Variants in SLC24A2 observed in about 807,000 individuals in gnomAD.
The protein encoded by SLC24A2 is solute carrier family 24 member 2.
SLC24A2 carries 36 observed loss-of-function variants against 62.0 expected under a neutral mutation model. The ratio of observed to expected loss-of-function variants is 0.58; its 90% CI spans 0.44 to 0.77. The LOEUF (loss-of-function observed/expected upper bound fraction) is 0.77, where lower values mean the gene tolerates loss of function less well. SLC24A2 is among the 30% of genes least tolerant of loss of function. SLC24A2 has a pLI of 0.00. For synonymous variants in SLC24A2, 358 were observed against 294.0 expected (o/e 1.22, Z -2.23); for missense variants, 846 against 817.9 (o/e 1.03, Z -0.42).
At chr9:19,622,830 G>C (rs1817942184) in intron 2 of SLC24A2, among the ~76,000 whole-genome samples, 1 of 151,968 alleles carries the variant, frequency 6.6e-6, no homozygotes, top group Admixed American at 6.6e-5. Context: ...ATATGTTTTG[G>C]GGGGAGTCAG....
the SLC24A2 span, among the ~76,000 whole-genome samples, chr9:19,845,863 G>C: frequency 5.3e-5 from 8 of 152,142 alleles, no homozygotes; most frequent in African/African-American, 1.9e-4. Flanking sequence ...TCATTCAGGA[G>C]CAAGTTGTTT....
At chr9:19,534,238 A>G (rs895922475) in intron 8 of SLC24A2, among the ~76,000 whole-genome samples, 1 of 152,216 alleles carries the variant, frequency 6.6e-6, no homozygotes, top group Non-Finnish European at 1.5e-5. Flanking sequence ...GTTCAAATCC[A>G]GCTTCTCTCA....
the SLC24A2 span, among the ~76,000 whole-genome samples, chr9:20,148,126 G>A: frequency 6.6e-6 from 1 of 151,948 alleles, no homozygotes; most frequent in African/African-American, 2.4e-5. Flanking sequence ...TGACTGTCCG[G>A]ATAAGTATAC....
chr9:19,698,948 C>CT (rs1334377006), intron 2 of SLC24A2, among the ~76,000 whole-genome samples: 1 of 152,128 alleles, frequency 6.6e-6, no homozygotes, highest in Admixed American at 6.6e-5. Flanking sequence ...AGTCACAGAG[C>CT]AAGTTAGAAG....
At position 19,513,710 on chromosome 9, in the gene SLC24A2, G is replaced by C. The variant is rs886745260; in HGVS notation, c.*2443C>G. On this transcript the variant is annotated 3_prime_UTR_variant, in exon 11 of 11. Transcript: ENST00000341998. The stretch of plus-strand genomic sequence containing the variant: ...CTTCAACTTCTGTTTTACATGGTCT[G>C]TTTGCAGTTGAGTCAGTCACCTATT... 6.6e-6 allele frequency: 1 copy of C among 152,150 alleles called. No homozygotes were observed. The highest frequency in any genetic ancestry group is 2.1e-4 in the South Asian group (1 of 4,830). The allele number at this position is 152,150 out of a possible 1,614,324, so 9.4% of individuals were successfully genotyped here. A position where few individuals can be genotyped will look rare whatever the true frequency, so the allele number is the denominator to read the frequency against.
intron 10 of SLC24A2, among the ~76,000 whole-genome samples, chr9:19,519,349 T>TTGTGTGTGTGTGTGTGTGTGTGTGTG (rs10640008): frequency 6.8e-6 from 1 of 147,582 alleles, no homozygotes; most frequent in African/African-American, 2.5e-5. Context: ...TTAAACTTCC[T>TTGTGTGTGTGTGTGTGTGTGTGTGTG]TGTGTGTGTG....
chr9:20,000,193 A>AATGAACATTATTATTTC, the SLC24A2 span, among the ~76,000 whole-genome samples: 1 of 152,208 alleles, frequency 6.6e-6, no homozygotes, highest in East Asian at 1.9e-4. Context: ...GTTGGCACTT[A>AATGAACATTATTATTTC]ATGAACATTA....
At chr9:19,618,550 T>C (rs1281485293) in intron 4 of SLC24A2, among the ~76,000 whole-genome samples, 1 of 152,206 alleles carries the variant, frequency 6.6e-6, no homozygotes, top group African/African-American at 2.4e-5. Flanking sequence ...GCATGTCCAA[T>C]GAAGGAAGAT....
At chr9:19,740,483 A>G (rs995042679) in intron 2 of SLC24A2, among the ~76,000 whole-genome samples, 2 of 152,230 alleles carry the variant, frequency 1.3e-5, no homozygotes, top group African/African-American at 4.8e-5. Flanking sequence ...CAAAATGCAC[A>G]TATTCTATGA....
chr9:19,534,220 G>C (rs528620257), intron 8 of SLC24A2, among the ~76,000 whole-genome samples: 2 of 152,272 alleles, frequency 1.3e-5, no homozygotes, highest in East Asian at 3.9e-4. Flanking sequence ...TGGAGTCAGG[G>C]GACTTGGGTT....
At chr9:20,093,987 A>G in the SLC24A2 span, among the ~76,000 whole-genome samples, 1 of 152,086 alleles carries the variant, frequency 6.6e-6, no homozygotes, top group African/African-American at 2.4e-5. Context: ...TTTTAAAAAT[A>G]AAAAAATAGT....
chr9:20,197,961 C>T, the SLC24A2 span, among the ~76,000 whole-genome samples: 3 of 152,172 alleles, frequency 2.0e-5, no homozygotes, highest in African/African-American at 4.8e-5. Flanking sequence ...TGCACAAAGA[C>T]GAGAGGGCTA....
chr9:19,993,847 AT>A, the SLC24A2 span, among the ~76,000 whole-genome samples: 1 of 152,204 alleles, frequency 6.6e-6, no homozygotes, highest in Non-Finnish European at 1.5e-5. Context: ...CATGCTAGTG[AT>A]TGAAAACACA....
chr9:19,829,382 T>A, the SLC24A2 span, among the ~76,000 whole-genome samples: 5 of 152,118 alleles, frequency 3.3e-5, no homozygotes, highest in East Asian at 9.6e-4. Flanking sequence ...GACTAAATGA[T>A]TTGCTATTGA....
chr9:19,726,309 C>T (rs766592207), intron 2 of SLC24A2, among the ~76,000 whole-genome samples: 1 of 152,132 alleles, frequency 6.6e-6, no homozygotes, highest in Non-Finnish European at 1.5e-5. Context: ...GTATATGCAA[C>T]CAAAAGGTAA....
the SLC24A2 span, among the ~76,000 whole-genome samples, chr9:19,958,593 C>T: frequency 1.3e-5 from 2 of 152,216 alleles, no homozygotes; most frequent in Non-Finnish European, 2.9e-5. Flanking sequence ...TTCCTCTTTA[C>T]TAGCTAAGTG....
the SLC24A2 span, among the ~76,000 whole-genome samples, chr9:20,095,582 A>G: frequency 6.6e-6 from 1 of 152,170 alleles, no homozygotes; most frequent in African/African-American, 2.4e-5. Context: ...TCCAGACTCA[A>G]AGTGAAACAT....
the SLC24A2 span, among the ~76,000 whole-genome samples, chr9:20,302,513 C>T: frequency 6.6e-6 from 1 of 152,124 alleles, no homozygotes; most frequent in Non-Finnish European, 1.5e-5. Context: ...TGCTTATTTG[C>T]CATCTGTATA....
At chr9:20,284,036 G>T in the SLC24A2 span, among the ~76,000 whole-genome samples, 3 of 152,072 alleles carry the variant, frequency 2.0e-5, no homozygotes, top group Admixed American at 1.3e-4. Flanking sequence ...GTTAACAGGT[G>T]TGGACCATCA....
Sources: allele counts gnomAD v4.1 joint callset (sites outside exome capture counted in the v4.1 genomes callset), GRCh38; gene constraint gnomAD v4.1.1; transcripts MANE v1.5; gene names NCBI Gene and HGNC (gene_info 2026-07-23, HGNC 2026-07-21).